Variants in MYO7B observed in about 807,000 individuals in gnomAD.
MYO7B encodes the protein unconventional myosin-VIIb.
A neutral mutation model predicts 259.7 loss-of-function variants in MYO7B; 212 were observed. The ratio of observed to expected loss-of-function variants is 0.82; its 90% confidence interval spans 0.73 to 0.91. The LOEUF (loss-of-function observed/expected upper bound fraction) is 0.91, where lower values mean the gene tolerates loss of function less well. Among genes scored for constraint, MYO7B ranks in the 40% least tolerant of loss-of-function variants. The pLI, the probability that MYO7B is intolerant of heterozygous loss-of-function variation, is 0.00. For synonymous variants in MYO7B, 1,197 were observed against 1,166.4 expected (o/e 1.03, Z -0.54); for missense variants, 2,732 against 2,813.5 (o/e 0.97, Z 0.66).
intron 1 of MYO7B, among the ~76,000 whole-genome samples, chr2:127,544,976 C>T (rs927411072): frequency 3.9e-5 from 6 of 152,148 alleles, no homozygotes; most frequent in African/African-American, 1.2e-4. Flanking sequence ...CCGCCCGCCT[C>T]GACCTCCCAA....
chr2:127,560,616 G>C (rs1412845575), intron 2 of MYO7B, among the ~76,000 whole-genome samples: 2 of 152,154 alleles, frequency 1.3e-5, no homozygotes, highest in Non-Finnish European at 2.9e-5. Flanking sequence ...CTGGCGGCGG[G>C]GAGTGCAGGG....
At chr2:127,543,872 A>G (rs1292119348) in intron 1 of MYO7B, among the ~76,000 whole-genome samples, 1 of 151,414 alleles carries the variant, frequency 6.6e-6, no homozygotes, top group African/African-American at 2.4e-5. Context: ...AGCCTCCCAA[A>G]TAGCTGGGAC....
In MYO7B at chr2:127,623,264, C is replaced by A; in HGVS notation, c.3708C>A (p.Thr1236=). Residue 1236 remains threonine, a synonymous_variant, in exon 29 of 48, where the codon ACC becomes ACA. Coordinates refer to ENST00000409816, the MANE Select transcript of MYO7B (RefSeq NM_001393586.1). ...TCTTGGCCACTGGAGAGAGCCTAAC[C>A]GTCCCCGTGGACTCAGCCTCCACAT... ...QVILATGESL[T]VPVDSASTSR... is the part of the protein sequence containing the mutation. 6.2e-7 allele frequency: 1 copy of A among 1,613,656 alleles called. No homozygotes were observed. Among genetic ancestry groups the A allele is most frequent in the African/African-American group, 1.3e-5 (1 of 75,022 alleles).
In MYO7B at chr2:127,637,505, C is replaced by A; in HGVS notation, c.*88C>A. On this transcript the variant is annotated 3_prime_UTR_variant, in exon 48 of 48. Transcript: ENST00000409816. ...CAGGCCCTCTCAACCCAGGGCCTGT[C>A]CTTGGCGGGCAGCCTTCCATGCTGC... The A allele has an allele frequency of 9.8e-7, 1 of 1,020,448 alleles. No individual in the cohort carries two copies. Among genetic ancestry groups the A allele is most frequent in the Non-Finnish European group, 1.4e-6 (1 of 718,126 alleles). 63.2% of individuals were successfully genotyped at this position (1,020,448 alleles called of 1,614,324 possible). A position where few individuals can be genotyped will look rare whatever the true frequency, so the allele number is the denominator to read the frequency against.
rs540601990 is a variant in MYO7B, at chr2:127,607,935, G to A, written c.2643+511G>A. Among the ~76,000 whole-genome samples the A allele has an allele frequency of 8.5e-5, 13 of 152,200 alleles. No individual in the cohort carries two copies. The highest frequency in any genetic ancestry group is 4.1e-4 in the South Asian group (2 of 4,838). ...AAAGGCCCCAGTTCCATGGAAGAGAGCAAAGTGTCCTGGTTACTGGGCTGT... is the reference window on the plus strand; with the variant it reads ...AAAGGCCCCAGTTCCATGGAAGAGAACAAAGTGTCCTGGTTACTGGGCTGT... On this transcript the variant is annotated intron_variant, in intron 21 of 47. Coordinates refer to ENST00000409816, the MANE Select transcript of MYO7B (RefSeq NM_001393586.1). The surrounding 1 kb of genome is among the most constrained non-coding windows in gnomAD (Gnocchi z 4.4).
chr2:127,618,065 A>G (rs1172358031), intron 26 of MYO7B, among the ~76,000 whole-genome samples: 1 of 151,610 alleles, frequency 6.6e-6, no homozygotes, highest in Non-Finnish European at 1.5e-5. Flanking sequence ...CTCTATTTCT[A>G]TTTATCCCTA....
At position 127,539,862 on chromosome 2, in the gene MYO7B, C is replaced by CA; in HGVS notation, c.-24+4032dup. 6.6e-6 allele frequency among the ~76,000 whole-genome samples: 1 copy of CA among 152,186 alleles called. No individual in the cohort carries two copies. The highest frequency in any genetic ancestry group is 1.5e-5 in the Non-Finnish European group (1 of 68,026). On this transcript the variant is annotated intron_variant, in intron 1 of 47. Transcript: ENST00000409816. This position sits in a 1 kb window ranked among gnomAD's most constrained non-coding sequence, Gnocchi z 4.0. ...CCTTCCCCCGAAAGTCCCCAAAGTC[C>CA]ATTGTATCGTTCTTACGCCTTTGCA...
In MYO7B at chr2:127,637,395, C is replaced by A. The variant is rs781160428; in HGVS notation, c.6407C>A (p.Ala2136Asp). The A allele has an allele frequency of 8.3e-6, 13 of 1,562,818 alleles. No individual in the cohort carries two copies. In the African/African-American group the frequency reaches 1.6e-4, roughly 20 times the overall value. The change falls in exon 48 of 48, where the codon GCC (alanine) becomes GAC (aspartate). Residue 2136 changes from alanine to aspartate, a missense_variant. By Grantham distance (126) the Ala-to-Asp change is moderately radical. Around this residue, in one of 3 missense-constraint regions of MYO7B, gnomAD observed 821 missense variants for 769.3 expected, o/e 1.07. Coordinates refer to ENST00000409816, the MANE Select transcript of MYO7B (RefSeq NM_001393586.1). ...ATGAACAAGCAGCGGGGCTCCAAGG[C>A]CCCAGCCCTGGCCAGCACCTAGCAG... The part of the protein sequence containing the change: ...SAMNKQRGSK[A>D]PALAST
Position 127,580,692 on chromosome 2 carries a change from G to A in MYO7B, c.1004-54G>A, listed in dbSNP as rs984514841. ...AAGGGCCCGGGCCAGTCGGGACCTT[G>A]CTCCCATCGCTCCAGGCTGCTTTCC... On this transcript the variant is annotated intron_variant, in intron 9 of 47. Transcript: ENST00000409816. The A allele has an allele frequency of 5.2e-6, 8 of 1,540,672 alleles. No individual in the cohort carries two copies. In the African/African-American group the frequency reaches 8.2e-5, roughly 16 times the overall value.
intron 26 of MYO7B, among the ~76,000 whole-genome samples, chr2:127,619,428 G>A (rs1047926192): frequency 9.2e-5 from 14 of 151,934 alleles, no homozygotes; most frequent in Non-Finnish European, 1.5e-5. Context: ...TGGTTGGATT[G>A]GAGGAATGAA....
In MYO7B at chr2:127,559,332, T is replaced by C. The variant is rs1188922795; in HGVS notation, c.-23-368T>C. On this transcript the variant is annotated intron_variant, in intron 1 of 47. Transcript: ENST00000409816. The surrounding 1 kb of genome is among the most constrained non-coding windows in gnomAD (Gnocchi z 4.1). The stretch of plus-strand genomic sequence containing the variant: ...GCTGTGAGGCTTAAAGTTGTGTCTA[T>C]AGCTCCAGTGGCTGCTTACCTGAGC... Among the ~76,000 whole-genome samples the C allele has an allele frequency of 1.3e-5, 2 of 152,250 alleles. No homozygotes were observed. Among genetic ancestry groups the C allele is most frequent in the Admixed American group, 6.5e-5 (1 of 15,286 alleles).
chr2:127,632,767 G>A (rs947062288), intron 39 of MYO7B, among the ~76,000 whole-genome samples: 3 of 151,750 alleles, frequency 2.0e-5, no homozygotes, highest in Non-Finnish European at 4.4e-5. Context: ...GCCCACAGCC[G>A]TGAAGCTCTT....
At position 127,634,309 on chromosome 2, in the gene MYO7B, G is replaced by A. The variant is rs746728449; in HGVS notation, c.5625+20G>A. 2 of 1,529,316 alleles carry A rather than the reference G, an allele frequency of 1.3e-6. No homozygotes were observed. The highest frequency in any genetic ancestry group is 1.4e-5 in the African/African-American group (1 of 71,832). The allele number at this position is 1,529,316 out of a possible 1,614,324, so 94.7% of individuals were successfully genotyped here. ...GACAAGGTGGGCCGGGCTGGGGCTG[G>A]GCAGACGGTGGGCGGACGGGCAGTG... On this transcript the variant is annotated intron_variant, in intron 41 of 47. Coordinates refer to ENST00000409816, the MANE Select transcript of MYO7B (RefSeq NM_001393586.1).
At position 127,634,485 on chromosome 2, in the gene MYO7B, C is replaced by T. The variant is rs570256865; in HGVS notation, c.5626-111C>T. On this transcript the variant is annotated intron_variant, in intron 41 of 47. Coordinates refer to ENST00000409816, the MANE Select transcript of MYO7B (RefSeq NM_001393586.1). ...ACGCCAATAGCCCACGCACAGCCGACTCCAGCGCAGCACCCAGGCCGTAGG... is the reference window on the plus strand; with the variant it reads ...ACGCCAATAGCCCACGCACAGCCGATTCCAGCGCAGCACCCAGGCCGTAGG... 454 of 1,026,774 alleles carry T rather than the reference C, an allele frequency of 4.4e-4. 3 individuals are homozygous for T. Among genetic ancestry groups the T allele is most frequent in the Middle Eastern group, 3.0e-3 (15 of 4,978 alleles). 63.6% of individuals were successfully genotyped at this position (1,026,774 alleles called of 1,614,324 possible). A position where few individuals can be genotyped will look rare whatever the true frequency, so the allele number is the denominator to read the frequency against.
Position 127,584,211 on chromosome 2 carries a change from G to T in MYO7B, c.1433G>T (p.Arg478Leu). 4 of 1,613,974 alleles carry T rather than the reference G, an allele frequency of 2.5e-6. No individual in the cohort carries two copies. The highest frequency in any genetic ancestry group is 3.4e-6 in the Non-Finnish European group (4 of 1,179,882). The change falls in exon 13 of 48, where the codon CGC (arginine) becomes CTC (leucine). Residue 478 changes from arginine (R) to leucine (L), a missense_variant. Coordinates refer to ENST00000409816, the MANE Select transcript of MYO7B (RefSeq NM_001393586.1). The surrounding 1 kb of genome is among the most constrained non-coding windows in gnomAD (Gnocchi z 5.8). The stretch of plus-strand genomic sequence containing the variant: ...TTCACCATGGAGCAAGAGGAGTACC[G>T]CTCGGAGAACATCTCCTGGGACTAT... ...HVFTMEQEEY[R>L]SENISWDYIH...
rs750399412 is a variant in MYO7B, at chr2:127,628,291, A to G, written c.4461-81A>G. ...CCTCATCTGTGACTCAGGACCCCCA[A>G]CCCCACCTCCCGAGGCTGTTTAGGG... On this transcript the variant is annotated intron_variant, in intron 33 of 47. Coordinates refer to ENST00000409816, the MANE Select transcript of MYO7B (RefSeq NM_001393586.1). The surrounding 1 kb of genome is among the most constrained non-coding windows in gnomAD (Gnocchi z 4.8). 1.3e-6 allele frequency: 2 copies of G among 1,520,578 alleles called. No homozygotes were observed. Among genetic ancestry groups the G allele is most frequent in the Admixed American group, 3.9e-5 (2 of 50,996 alleles). 94.2% of individuals were successfully genotyped at this position (1,520,578 alleles called of 1,614,324 possible).
At chr2:127,610,082 C>T (rs370453321) in intron 24 of MYO7B, 66 bp downstream of exon 24, 55 of 1,567,662 alleles carry the variant, frequency 3.5e-5, no homozygotes, top group East Asian at 1.9e-4. Flanking sequence ...GGGCCCAGTC[C>T]CTGGGGCAGC....
In MYO7B at chr2:127,632,358, C is replaced by T; in HGVS notation, c.5362C>T (p.Leu1788=). ...QKFIDTRRGK[L]LAPDCSRRIQ... The stretch of plus-strand genomic sequence containing the variant: ...GTTTATAGACACTCGGAGGGGGAAG[C>T]TGCTGGCCCCCGACTGCAGCCGCCG... The change falls in exon 39 of 48, where the codon CTG becomes TTG. Residue 1788 remains leucine (L), a synonymous_variant. Transcript: ENST00000409816. The T allele has an allele frequency of 6.3e-7, 1 of 1,594,224 alleles. No homozygotes were observed. Among genetic ancestry groups the T allele is most frequent in the Non-Finnish European group, 8.5e-7 (1 of 1,169,892 alleles).
chr2:127,629,543 CTA>C, intron 34 of MYO7B, 100 bp from the exon 35 acceptor site: 2 of 1,203,296 alleles, frequency 1.7e-6, no homozygotes, highest in Non-Finnish European at 1.2e-6. Context: ...GCCCACCACT[CTA>C]TGCCTCGGTT....
Sources: gnomAD v4.1 joint callset for allele counts (sites outside exome capture counted in the v4.1 genomes callset) on GRCh38, gnomAD v4.1.1 for gene constraint, gnomAD v4.1.1 regional missense constraint, Gnocchi (gnomAD v3.1) non-coding constraint, MANE v1.5 for transcripts, NCBI Gene and HGNC (gene_info 2026-07-23, HGNC 2026-07-21) for gene names.